The following TRIM37 variants were observed in gnomAD, a reference collection of about 807,000 sequenced individuals.
TRIM37 encodes E3 ubiquitin-protein ligase TRIM37.
TRIM37 carries 80 observed loss-of-function variants against 129.8 expected under a neutral mutation model. The observed-to-expected ratio is 0.62, with a 90% CI of 0.51 to 0.74. The LOEUF (loss-of-function observed/expected upper bound fraction) is 0.74. Ranked by LOEUF, TRIM37 falls within the 30% of genes least tolerant of loss-of-function variation. The pLI is 0.00. For missense variants in TRIM37, 1,054 were observed against 1,176.5 expected (o/e 0.90, Z 1.52); for synonymous variants, 389 against 387.1 (o/e 1.00, Z -0.06).
At chr17:59,086,113 G>A (rs2043728304) in intron 4 of TRIM37, among the ~76,000 whole-genome samples, 1 of 152,050 alleles carries the variant, frequency 6.6e-6, no homozygotes, top group Non-Finnish European at 1.5e-5. Context: ...CTGAACATGT[G>A]AACATGCTTA....
chr17:59,100,946 C>T (rs1405416968), intron 2 of TRIM37, among the ~76,000 whole-genome samples: 1 of 149,916 alleles, frequency 6.7e-6, no homozygotes, highest in Non-Finnish European at 1.5e-5. Flanking sequence ...CACTCGAACC[C>T]AGGAGATGGA....
At chr17:59,087,981 C>A in intron 4 of TRIM37, 1 of 538,726 alleles carries the variant, frequency 1.9e-6, no homozygotes, top group Non-Finnish European at 3.3e-6. Flanking sequence ...CACTGTGTCC[C>A]CATTAAACAG....
At chr17:59,053,698 C>T (rs1217680037) in intron 13 of TRIM37, among the ~76,000 whole-genome samples, 3 of 152,152 alleles carry the variant, frequency 2.0e-5, no homozygotes, top group Non-Finnish European at 4.4e-5. Context: ...TTGTAATTCT[C>T]TCTATGGCTG....
chr17:59,051,409 G>A (rs2040333592), intron 13 of TRIM37, 81 bp from the exon 14 acceptor site: 2 of 1,011,688 alleles, frequency 2.0e-6, no homozygotes, highest in Non-Finnish European at 3.1e-6. Context: ...TGCAATTTGG[G>A]TTAACTTGAT....
chr17:58,987,789 G>C (rs937394046), intron 24 of TRIM37, among the ~76,000 whole-genome samples: 3 of 151,938 alleles, frequency 2.0e-5, no homozygotes, highest in Admixed American at 6.6e-5. Flanking sequence ...TAAAAAACTA[G>C]ATAAAAAAAT....
At chr17:58,975,665 G>C in the TRIM37 span, among the ~76,000 whole-genome samples, 1 of 152,324 alleles carries the variant, frequency 6.6e-6, no homozygotes, top group East Asian at 1.9e-4. Context: ...GGAGGTTAGA[G>C]CAGAGATGGG....
rs184137618 is a variant in TRIM37 at position 59,075,073 on chromosome 17, T to C, written c.684+574A>G. On this transcript the variant is annotated intron_variant, in intron 8 of 23. Coordinates refer to ENST00000262294, the MANE Select transcript of TRIM37 (RefSeq NM_015294.6). ...AGTGTGGGGAGATTTTAACCTCTTA[T>C]ACATTCAGATTTCTATGGAAATAGT... Among the ~76,000 whole-genome samples the C allele has an allele frequency of 5.3e-5, 8 of 152,340 alleles. No homozygotes were observed. In the East Asian group the frequency reaches 1.5e-3, roughly 29 times the overall value.
chr17:58,982,219 TTTTCA>T (rs1351461621), downstream of TRIM37: 2 of 152,666 alleles, frequency 1.3e-5, no homozygotes, highest in African/African-American at 2.4e-5. Flanking sequence ...GGACGTGTGC[TTTTCA>T]TTTCAATATT....
chr17:59,094,752 GAAAAAC>G lies in TRIM37; in HGVS notation c.124-3418_124-3413del, dbSNP rs764299085. Among the ~76,000 whole-genome samples the G allele has an allele frequency of 2.6e-4, 40 of 151,396 alleles. No individual in the cohort carries two copies. The East Asian group carries it at 2.7e-3, about 10-fold the overall frequency. On this transcript the variant is annotated intron_variant, in intron 2 of 23. Coordinates refer to ENST00000262294, the MANE Select transcript of TRIM37 (RefSeq NM_015294.6). The stretch of plus-strand genomic sequence containing the variant: ...GGAAAAGAAACAGATTTGGCATGGT[GAAAAAC>G]AAAAACAAAAACAAAAACAAAACAA...
chr17:58,992,659 C>T (rs914983263), intron 24 of TRIM37, among the ~76,000 whole-genome samples: 3 of 152,082 alleles, frequency 2.0e-5, no homozygotes, highest in African/African-American at 7.2e-5. Flanking sequence ...GGATTACAGG[C>T]GTGAGCCACT....
chr17:59,084,130 G>C (rs772069808), intron 4 of TRIM37, 41 bp from the exon 5 acceptor site: 2 of 1,502,812 alleles, frequency 1.3e-6, no homozygotes, highest in Admixed American at 3.4e-5. Flanking sequence ...AAATTAAATT[G>C]GAACATAATC....
intron 24 of TRIM37, among the ~76,000 whole-genome samples, chr17:58,989,522 G>A (rs1401026127): frequency 2.0e-5 from 3 of 152,138 alleles, no homozygotes; most frequent in Non-Finnish European, 2.9e-5. Flanking sequence ...ACAGCAAATC[G>A]ATGGAACCTA....
chr17:59,061,206 G>A (rs2041461459), intron 11 of TRIM37, 98 bp from the exon 12 acceptor site: 4 of 915,908 alleles, frequency 4.4e-6, no homozygotes, highest in African/African-American at 3.3e-5. Context: ...GTACTTCTAA[G>A]CCTCAAAGCA....
intron 23 of TRIM37, 119 bp downstream of exon 23, chr17:59,001,479 G>A (rs2033752131): frequency 4.1e-6 from 5 of 1,206,092 alleles, no homozygotes; most frequent in African/African-American, 1.5e-5. Flanking sequence ...AGAAGTAGAA[G>A]CAGAAGAAGC....
intron 4 of TRIM37, among the ~76,000 whole-genome samples, chr17:59,084,521 C>T (rs563978941): frequency 6.6e-6 from 1 of 152,196 alleles, no homozygotes; most frequent in South Asian, 2.1e-4. Context: ...ATTAACTGCA[C>T]GATTTAATAC....
At chr17:59,033,929 C>A (rs953059193) in intron 17 of TRIM37, among the ~76,000 whole-genome samples, 1 of 151,614 alleles carries the variant, frequency 6.6e-6, no homozygotes, top group Non-Finnish European at 1.5e-5. Flanking sequence ...ACCAGCCTTG[C>A]CAACATGGTG....
chr17:59,049,101 C>A (rs1186814791), intron 15 of TRIM37, 77 bp downstream of exon 15: 18 of 1,167,862 alleles, frequency 1.5e-5, no homozygotes, highest in Non-Finnish European at 2.2e-5. Context: ...TGTTTTAGCA[C>A]ATAATATGTT....
intron 2 of TRIM37, among the ~76,000 whole-genome samples, chr17:59,098,089 A>G (rs937157421): frequency 2.6e-5 from 4 of 152,254 alleles, no homozygotes; most frequent in African/African-American, 9.6e-5. Context: ...CCATAAGAAC[A>G]GAAATAGAGA....
chr17:59,026,066 C>T (rs1326177509), intron 19 of TRIM37, among the ~76,000 whole-genome samples: 2 of 152,196 alleles, frequency 1.3e-5, no homozygotes, highest in East Asian at 3.9e-4. Context: ...ATTAATACAG[C>T]CAATTTTAAT....
Sources: allele counts gnomAD v4.1 joint callset (sites outside exome capture counted in the v4.1 genomes callset), GRCh38; gene constraint gnomAD v4.1.1; transcripts MANE v1.5; gene names NCBI Gene and HGNC (gene_info 2026-07-23, HGNC 2026-07-21).